ART5: variants seen among roughly 807,000 people sequenced by gnomAD.
ART5 encodes ecto-ADP-ribosyltransferase 5.
In ART5, 22 loss-of-function variants were observed where a neutral mutation model predicts 25.0. The observed-to-expected ratio is 0.88, with a 90% CI of 0.63 to 1.26. The LOEUF is 1.26. Ranked by LOEUF, ART5 falls within the 50% of genes most tolerant of loss-of-function variation. The probability of loss-of-function intolerance (pLI) is 0.00; values close to 1 mark genes in which losing one functional copy is unlikely to be tolerated. For missense variants in ART5, 402 were observed against 372.8 expected (o/e 1.08, Z -0.64); for synonymous variants, 161 against 154.8 (o/e 1.04, Z -0.30).
upstream of ART5, chr11:3,641,999 C>T: frequency 6.8e-7 from 1 of 1,460,356 alleles, no homozygotes; most frequent in Non-Finnish European, 9.0e-7. Context: ...GATTAGGGCC[C>T]CGGCGGGGCG....
In ART5 at chr11:3,638,518, C is replaced by T. The variant is rs557069867; in HGVS notation, c.*220G>A. On this transcript the variant is annotated 3_prime_UTR_variant, in exon 4 of 4. Transcript: ENST00000397068. The stretch of plus-strand genomic sequence containing the variant: ...AATCATAAAATTCCATGTCTCCACA[C>T]TGCAATACCATTTAATCACGTAGCT... 3 of 609,068 alleles carry T rather than the reference C, an allele frequency of 4.9e-6. No individual in the cohort carries two copies. The highest frequency in any genetic ancestry group is 8.7e-6 in the Non-Finnish European group (3 of 343,504). 37.7% of individuals were successfully genotyped at this position (609,068 alleles called of 1,614,324 possible). A position where few individuals can be genotyped will look rare whatever the true frequency, so the allele number is the denominator to read the frequency against.
Position 3,640,350 on chromosome 11 carries a change from G to C in ART5, c.79C>G (p.Pro27Ala), listed in dbSNP as rs573509326. The change falls in exon 2 of 4, where the codon CCC becomes GCC. Residue 27 changes from proline to alanine, a missense_variant. Physicochemically the swap from Pro to Ala is conservative, Grantham distance 27 (BLOSUM62 -1). Transcript: ENST00000397068. ...TWQAQAVPILPLGLAPDTFDD... is the reference protein window; with the variant it reads ...TWQAQAVPILALGLAPDTFDD... ...AAGGTGTCTGGAGCCAGGCCCAGGG[G>C]CAGGATGGGAACAGCCTGGGCCTGT... 1 of 1,465,426 alleles carries C rather than the reference G, an allele frequency of 6.8e-7. No homozygotes were observed. The highest frequency in any genetic ancestry group is 2.5e-5 in the East Asian group (1 of 39,646). 90.8% of individuals were successfully genotyped at this position (1,465,426 alleles called of 1,614,324 possible). A position where few individuals can be genotyped will look rare whatever the true frequency, so the allele number is the denominator to read the frequency against.
Position 3,641,715 on chromosome 11 carries a change from G to A in ART5, c.57+91C>T, listed in dbSNP as rs1006498520. 12 of 1,535,074 alleles carry A rather than the reference G, an allele frequency of 7.8e-6. No homozygotes were observed. In the Admixed American group the frequency reaches 1.8e-4, roughly 23 times the overall value. ...GAATCCTAGGGAAGAGTCCCTGGGA[G>A]AGGGATGTGAGGAGTCAGCCCCGGG... On this transcript the variant is annotated intron_variant, in intron 1 of 3. Coordinates refer to ENST00000397068, the MANE Select transcript of ART5 (RefSeq NM_053017.5).
At chr11:3,641,571 GGGA>G (rs981877601) in intron 1 of ART5, among the ~76,000 whole-genome samples, 1 of 152,176 alleles carries the variant, frequency 6.6e-6, no homozygotes, top group African/African-American at 2.4e-5. Flanking sequence ...ATGAGAGGTG[GGGA>G]GGAGAACGTT....
intron 1 of ART5, among the ~76,000 whole-genome samples, chr11:3,641,500 C>G (rs1332038849): frequency 6.6e-6 from 1 of 152,156 alleles, no homozygotes; most frequent in East Asian, 1.9e-4. Context: ...GGACGGGCTG[C>G]CAGGACTGCA....
At chr11:3,642,154 G>GA (rs2077412757), upstream of ART5, 18 of 1,278,712 alleles carry the variant, frequency 1.4e-5, no homozygotes, top group Non-Finnish European at 1.8e-5. Context: ...CCTGAGAGGG[G>GA]AGGGCCGGGG....
chr11:3,641,965 A>C lies in ART5; in HGVS notation c.-103T>G. On this transcript the variant is annotated 5_prime_UTR_variant, in exon 1 of 4. Transcript: ENST00000397068. ...GGAGGCAGATCTGGACCCTGTCTCC[A>C]GGCGCACGGGATCCCGGGTCCAGGA... 1 of 1,501,084 alleles carries C rather than the reference A, an allele frequency of 6.7e-7. No homozygotes were observed. The highest frequency in any genetic ancestry group is 8.9e-7 in the Non-Finnish European group (1 of 1,122,988). 93.0% of individuals were successfully genotyped at this position (1,501,084 alleles called of 1,614,324 possible).
At chr11:3,640,504 C>G in intron 1 of ART5, 133 bp from the exon 2 acceptor site, 1 of 1,172,096 alleles carries the variant, frequency 8.5e-7, no homozygotes, top group African/African-American at 1.6e-5. Flanking sequence ...TGCAATTTGG[C>G]AAGGGCCCAA....
At chr11:3,642,132 A>C, upstream of ART5, 1 of 1,305,538 alleles carries the variant, frequency 7.7e-7, no homozygotes, top group East Asian at 3.1e-5. Context: ...GCGGGGCCGC[A>C]GTTTGGCTCC....
chr11:3,639,748 A>T lies in ART5; in HGVS notation c.681T>A (p.His227Gln). Residue 227 changes from histidine to glutamine, a missense_variant, in exon 2 of 4, where the codon CAT (histidine) becomes CAA (glutamine). Transcript: ENST00000397068. ...PKEREVLIPP[H>Q]EVFLVTRFSQ... ...AGAATCTGGTAACCAAAAAGACTTC[A>T]TGGGGGGGAATCAGCACCTCGCGCT... is the stretch of plus-strand genomic sequence containing the variant. 1.2e-6 allele frequency: 2 copies of T among 1,614,080 alleles called. No individual in the cohort carries two copies. The highest frequency in any genetic ancestry group is 1.7e-6 in the Non-Finnish European group (2 of 1,180,000).
chr11:3,642,040 C>G (rs2077409431), upstream of ART5: 1 of 1,431,222 alleles, frequency 7.0e-7, no homozygotes, highest in African/African-American at 1.4e-5. Flanking sequence ...ATTGCCCGCC[C>G]CCCGCCCCAA....
chr11:3,642,234 G>A (rs970338957), upstream of ART5: 9 of 1,141,320 alleles, frequency 7.9e-6, no homozygotes, highest in Non-Finnish European at 9.7e-6. Flanking sequence ...GGCGGGCGCT[G>A]CGCTGTCCCC....
At chr11:3,641,334 C>T (rs1262025923) in intron 1 of ART5, among the ~76,000 whole-genome samples, 1 of 152,166 alleles carries the variant, frequency 6.6e-6, no homozygotes, top group East Asian at 1.9e-4. Context: ...GCCCCATTCT[C>T]CTCGGGCTCT....
At chr11:3,638,832 G>A in intron 3 of ART5, 39 bp from the exon 4 acceptor site, 2 of 1,614,170 alleles carry the variant, frequency 1.2e-6, no homozygotes, top group Non-Finnish European at 1.7e-6. Context: ...CCCAACCCCT[G>A]AGAGCTGGAA....
In ART5 at chr11:3,638,590, A is replaced by C; in HGVS notation, c.*148T>G. The stretch of plus-strand genomic sequence containing the variant: ...TCCACATTGCAACACCGTTCAATCA[A>C]GTGGCTGCCTCAGTACTTTCCTTGC... On this transcript the variant is annotated 3_prime_UTR_variant, in exon 4 of 4. Transcript: ENST00000397068. 1 of 923,442 alleles carries C rather than the reference A, an allele frequency of 1.1e-6. No individual in the cohort carries two copies. Among genetic ancestry groups the C allele is most frequent in the Non-Finnish European group, 1.7e-6 (1 of 581,126 alleles). The allele number at this position is 923,442 out of a possible 1,614,324, so 57.2% of individuals were successfully genotyped here.
chr11:3,639,553 C>A lies in ART5; in HGVS notation c.787+89G>T, dbSNP rs980666775. On this transcript the variant is annotated intron_variant, in intron 2 of 3. Coordinates refer to ENST00000397068, the MANE Select transcript of ART5 (RefSeq NM_053017.5). ...TCATTTCCCCTTTAACCAAGTGGGT[C>A]TCCCGAAGGCCCCGGGGATTATTGT... 26 of 1,499,858 alleles carry A rather than the reference C, an allele frequency of 1.7e-5. No individual in the cohort carries two copies. The African/African-American group carries it at 3.2e-4, about 19-fold the overall frequency. The allele number at this position is 1,499,858 out of a possible 1,614,324, so 92.9% of individuals were successfully genotyped here.
intron 1 of ART5, among the ~76,000 whole-genome samples, chr11:3,640,623 G>A (rs542718061): frequency 5.4e-5 from 8 of 148,942 alleles, no homozygotes; most frequent in South Asian, 4.2e-4. Context: ...AGGCTGGAGT[G>A]CAGTGGTGAG....
chr11:3,642,018 G>C, upstream of ART5: 1 of 1,440,416 alleles, frequency 6.9e-7, no homozygotes, highest in Non-Finnish European at 9.1e-7. Flanking sequence ...CGTGGGCGGG[G>C]CCTGGGAGTT....
At chr11:3,642,152 G>A, upstream of ART5, 11 of 1,289,742 alleles carry the variant, frequency 8.5e-6, no homozygotes, top group Non-Finnish European at 1.1e-5. Flanking sequence ...CGCCTGAGAG[G>A]GGAGGGCCGG....
Sources: gnomAD v4.1 joint callset for allele counts (sites outside exome capture counted in the v4.1 genomes callset) on GRCh38, gnomAD v4.1.1 for gene constraint, MANE v1.5 for transcripts, NCBI Gene and HGNC (gene_info 2026-07-23, HGNC 2026-07-21) for gene names.